LINGO2: variants seen among roughly 807,000 people sequenced by gnomAD.
The protein encoded by LINGO2 is leucine rich repeat and Ig domain containing 2, also known as leucine-rich repeat and immunoglobulin-like domain-containing nogo receptor-interacting protein 2.
A neutral mutation model predicts 30.6 loss-of-function variants in LINGO2; 14 were observed. That is an observed-to-expected ratio of 0.46 (90% CI 0.30 to 0.72). The LOEUF is 0.72. Among genes scored for constraint, LINGO2 ranks in the 30% least tolerant of loss-of-function variants. The probability of loss-of-function intolerance (pLI) is 0.07; values close to 1 mark genes in which losing one functional copy is unlikely to be tolerated. For missense variants in LINGO2, 729 were observed against 751.7 expected (o/e 0.97, Z 0.35); for synonymous variants, 317 against 288.5 (o/e 1.10, Z -1.00).
chr9:28,625,990 T>TAAAAC (rs200686915), intron 1 of LINGO2, among the ~76,000 whole-genome samples: 2,889 of 146,268 alleles, frequency 0.02, 63 homozygotes, highest in African/African-American at 0.042. Context: ...TTGACTTTAC[T>TAAAAC]AAAACAAAAC....
intron 3 of LINGO2, among the ~76,000 whole-genome samples, chr9:28,365,637 C>G (rs994227450): frequency 2.6e-5 from 4 of 152,018 alleles, no homozygotes; most frequent in Admixed American, 6.6e-5. Context: ...AAGACAGGGC[C>G]ACAGGGAGTG....
chr9:28,395,942 G>T (rs773285915), intron 2 of LINGO2, among the ~76,000 whole-genome samples: 1 of 151,980 alleles, frequency 6.6e-6, no homozygotes, highest in East Asian at 1.9e-4. Context: ...TTGGCCCTTT[G>T]GTCTTCAATA....
chr9:28,801,980 T>C, the LINGO2 span, among the ~76,000 whole-genome samples: 3 of 151,942 alleles, frequency 2.0e-5, no homozygotes, highest in Admixed American at 2.0e-4. Flanking sequence ...TGCTCACATA[T>C]AGTTTTCAAT....
chr9:28,105,340 G>C (rs1826554916), intron 4 of LINGO2, among the ~76,000 whole-genome samples: 1 of 152,120 alleles, frequency 6.6e-6, no homozygotes, highest in Non-Finnish European at 1.5e-5. Flanking sequence ...TGTCCTGTTT[G>C]TGCTAGGCAC....
the LINGO2 span, among the ~76,000 whole-genome samples, chr9:28,993,273 G>A: frequency 0.12 from 18,434 of 151,940 alleles, 1,108 homozygotes; most frequent in South Asian, 0.16. Flanking sequence ...TAGAAGAAAT[G>A]GATAAATTCC....
chr9:28,523,677 A>C (rs1202869788), intron 1 of LINGO2, among the ~76,000 whole-genome samples: 1 of 152,204 alleles, frequency 6.6e-6, no homozygotes, highest in East Asian at 1.9e-4. Context: ...AAATAATTTC[A>C]TTCATAATGA....
the LINGO2 span, among the ~76,000 whole-genome samples, chr9:28,812,150 C>T: frequency 1.3e-5 from 2 of 151,750 alleles, no homozygotes; most frequent in African/African-American, 4.8e-5. Context: ...TACATAAATA[C>T]ATCTTTGCTA....
the LINGO2 span, among the ~76,000 whole-genome samples, chr9:29,028,709 A>G: frequency 6.6e-6 from 1 of 152,114 alleles, no homozygotes; most frequent in South Asian, 2.1e-4. Flanking sequence ...AGCAAGGCCA[A>G]TTTAGCTTGC....
At chr9:29,073,037 A>AC in the LINGO2 span, among the ~76,000 whole-genome samples, 2 of 150,038 alleles carry the variant, frequency 1.3e-5, no homozygotes, top group East Asian at 3.9e-4. Flanking sequence ...CTTGGCTAGA[A>AC]CCCCCCTCCA....
At chr9:29,043,971 A>G in the LINGO2 span, among the ~76,000 whole-genome samples, 1 of 152,044 alleles carries the variant, frequency 6.6e-6, no homozygotes, top group Non-Finnish European at 1.5e-5. Context: ...GCCACTGTGT[A>G]TTTCTTTTGA....
intron 3 of LINGO2, among the ~76,000 whole-genome samples, chr9:28,347,542 C>T (rs1238849597): frequency 6.6e-6 from 1 of 152,290 alleles, no homozygotes; most frequent in East Asian, 1.9e-4. Flanking sequence ...TATTTAGTGA[C>T]AGTCTCCTCT....
chr9:28,551,132 A>G (rs1013276466), intron 1 of LINGO2, among the ~76,000 whole-genome samples: 2 of 151,890 alleles, frequency 1.3e-5, no homozygotes, highest in Non-Finnish European at 2.9e-5. Context: ...ATATAAAACA[A>G]TAAAAAGATA....
the LINGO2 span, among the ~76,000 whole-genome samples, chr9:28,946,917 C>A: frequency 1.3e-5 from 2 of 151,956 alleles, no homozygotes; most frequent in South Asian, 2.1e-4. Flanking sequence ...CCAGGATAGA[C>A]TTGTTTGAAA....
chr9:28,223,457 G>T (rs1478874510), intron 4 of LINGO2, among the ~76,000 whole-genome samples: 2 of 152,248 alleles, frequency 1.3e-5, no homozygotes, highest in East Asian at 1.9e-4. Flanking sequence ...CTTCTTAAAG[G>T]CCCCACATCT....
chr9:28,497,249 A>T (rs4489394), intron 1 of LINGO2, among the ~76,000 whole-genome samples: 103,860 of 152,048 alleles, frequency 0.68, 35,621 homozygotes, highest in South Asian at 0.73. Context: ...TATCCTGCAG[A>T]GTGTTTTCCA....
At chr9:28,891,680 G>A in the LINGO2 span, among the ~76,000 whole-genome samples, 2 of 151,818 alleles carry the variant, frequency 1.3e-5, no homozygotes, top group South Asian at 4.2e-4. Flanking sequence ...TCTATTAAGA[G>A]AAGCCATTCC....
chr9:29,038,665 ACTACT>A, the LINGO2 span, among the ~76,000 whole-genome samples: 1 of 128,138 alleles, frequency 7.8e-6, no homozygotes, highest in African/African-American at 3.1e-5. Flanking sequence ...AACAGAGTTC[ACTACT>A]CAGAAAAAAA....
the LINGO2 span, among the ~76,000 whole-genome samples, chr9:29,119,200 A>C: frequency 6.6e-6 from 1 of 152,232 alleles, no homozygotes. Context: ...TGGGATGATC[A>C]CATTAAACTA....
the LINGO2 span, among the ~76,000 whole-genome samples, chr9:28,801,395 TA>T: frequency 3.3e-5 from 5 of 151,958 alleles, no homozygotes; most frequent in Admixed American, 3.3e-4. Context: ...TCCAGATTGG[TA>T]AACAATTTTT....
Sources: gnomAD v4.1 joint callset for allele counts (sites outside exome capture counted in the v4.1 genomes callset) on GRCh38, gnomAD v4.1.1 for gene constraint, MANE v1.5 for transcripts, NCBI Gene and HGNC (gene_info 2026-07-23, HGNC 2026-07-21) for gene names.